The following CACNA1D variants were observed in gnomAD, a reference collection of about 807,000 sequenced individuals.
The protein encoded by CACNA1D is calcium voltage-gated channel subunit alpha1 D.
In CACNA1D, 55 loss-of-function variants were observed where a neutral mutation model predicts 257.1. That is an observed-to-expected ratio of 0.21 (90% CI 0.17 to 0.27). The LOEUF is 0.27. CACNA1D is among the 10% of genes least tolerant of loss of function. CACNA1D has a pLI of 1.00. For synonymous variants in CACNA1D, 980 were observed against 1,014.9 expected (o/e 0.97, Z 0.65); for missense variants, 1,876 against 2,784.0 (o/e 0.67, Z 7.34).
At chr3:53,548,367 TTTTTAA>T (rs1187337429) in intron 3 of CACNA1D, among the ~76,000 whole-genome samples, 1 of 138,452 alleles carries the variant, frequency 7.2e-6, no homozygotes, top group Non-Finnish European at 1.5e-5. Context: ...TTTTTTTTTT[TTTTTAA>T]AAATTATCTT....
At chr3:53,712,364 G>A (rs892359988) in intron 9 of CACNA1D, among the ~76,000 whole-genome samples, 3 of 152,232 alleles carry the variant, frequency 2.0e-5, no homozygotes, top group Non-Finnish European at 4.4e-5. Context: ...ATGCTGGGCT[G>A]CCCCTGTCCC....
chr3:53,746,298 G>A (rs1390732654), intron 25 of CACNA1D, among the ~76,000 whole-genome samples: 1 of 152,100 alleles, frequency 6.6e-6, no homozygotes, highest in Non-Finnish European at 1.5e-5. Flanking sequence ...CAACTCCCTG[G>A]TGTTTGGGAA....
chr3:53,740,863 C>T (rs898907366), intron 21 of CACNA1D, among the ~76,000 whole-genome samples: 3 of 152,168 alleles, frequency 2.0e-5, no homozygotes, highest in Non-Finnish European at 4.4e-5. Context: ...GAGGATGTCT[C>T]TCTTTTTGTT....
chr3:53,575,745 G>T (rs892172150), intron 3 of CACNA1D, among the ~76,000 whole-genome samples: 2 of 152,078 alleles, frequency 1.3e-5, no homozygotes, highest in East Asian at 1.9e-4. Flanking sequence ...TCTACTAGTC[G>T]TGTCCGTTTA....
Position 53,723,778 on chromosome 3 carries a change from A to G in CACNA1D, c.1893-14A>G. ...ATGGGTGTTCTGAGCTGACACCCTC[A>G]TCTTGACTTATAGGCACTGGACTTC... On this transcript the variant is annotated splice_polypyrimidine_tract_variant and intron_variant, in intron 13 of 47. Transcript: ENST00000350061. The surrounding 1 kb of genome is among the most constrained non-coding windows in gnomAD (Gnocchi z 5.6). 2 of 1,609,848 alleles carry G rather than the reference A, an allele frequency of 1.2e-6. No individual in the cohort carries two copies. Among genetic ancestry groups the G allele is most frequent in the Non-Finnish European group, 1.7e-6 (2 of 1,176,134 alleles).
At chr3:53,726,672 TA>T (rs1263544295) in intron 14 of CACNA1D, among the ~76,000 whole-genome samples, 3 of 136,294 alleles carry the variant, frequency 2.2e-5, no homozygotes, top group South Asian at 2.4e-4. Context: ...ATAATAAGGT[TA>T]TTTTTTTTCA....
chr3:53,728,618 T>TA (rs1380993013), intron 15 of CACNA1D, among the ~76,000 whole-genome samples: 1 of 152,212 alleles, frequency 6.6e-6, no homozygotes, highest in Non-Finnish European at 1.5e-5. Context: ...GGTTGACTCT[T>TA]TAGGCCACAG....
chr3:53,651,713 T>A (rs1423988902), intron 4 of CACNA1D, among the ~76,000 whole-genome samples: 1 of 152,240 alleles, frequency 6.6e-6, no homozygotes, highest in Non-Finnish European at 1.5e-5. Flanking sequence ...ATATCCTTTT[T>A]CCCAGTCTTA....
At chr3:53,520,655 A>G (rs545048202) in intron 3 of CACNA1D, among the ~76,000 whole-genome samples, 52 of 152,220 alleles carry the variant, frequency 3.4e-4, no homozygotes, top group African/African-American at 1.2e-3. Flanking sequence ...AGTCCCAGCT[A>G]CTTGGGAGGT....
At chr3:53,806,193 TCCCTCC>T (rs2095565191) in intron 45 of CACNA1D, among the ~76,000 whole-genome samples, 2 of 56,520 alleles carry the variant, frequency 3.5e-5, no homozygotes, top group Non-Finnish European at 6.8e-5. Flanking sequence ...TCCTCCCTCC[TCCCTCC>T]TCCCTCATCT....
At chr3:53,548,091 C>T (rs563336987) in intron 3 of CACNA1D, among the ~76,000 whole-genome samples, 3 of 152,254 alleles carry the variant, frequency 2.0e-5, no homozygotes, top group Non-Finnish European at 1.5e-5. Context: ...TTGCAAATTT[C>T]TCTGTGGTTT....
At chr3:53,580,097 C>A (rs373573801) in intron 3 of CACNA1D, among the ~76,000 whole-genome samples, 3 of 152,190 alleles carry the variant, frequency 2.0e-5, no homozygotes, top group African/African-American at 7.2e-5. Flanking sequence ...CCTAAAATGA[C>A]CTTCTCTGCT....
intron 8 of CACNA1D, among the ~76,000 whole-genome samples, chr3:53,696,531 G>C (rs954892631): frequency 6.6e-6 from 1 of 152,206 alleles, no homozygotes; most frequent in South Asian, 2.1e-4. Context: ...GGCCACCCAG[G>C]GTAGGGGACA....
In CACNA1D at chr3:53,811,018, A is replaced by T; in HGVS notation, c.6193-95A>T. ...GCTGCATCCCCAAAGCACACGGTGC[A>T]GTTAAGTTAGCACTGGAGTTGATTT... On this transcript the variant is annotated intron_variant, in intron 47 of 47. Coordinates refer to ENST00000350061, the MANE Select transcript of CACNA1D (RefSeq NM_001128840.3). This position sits in a 1 kb window ranked among gnomAD's most constrained non-coding sequence, Gnocchi z 4.2. The T allele has an allele frequency of 1.1e-6, 1 of 906,522 alleles. No individual in the cohort carries two copies. Among genetic ancestry groups the T allele is most frequent in the South Asian group, 1.3e-5 (1 of 75,918 alleles). The allele number at this position is 906,522 out of a possible 1,614,324, so 56.2% of individuals were successfully genotyped here.
rs869046550 is a variant in CACNA1D at position 53,548,371 on chromosome 3, TAAA to T, written c.483+46654_483+46656del. ...ACAAAGCTTTTTTTTTTTTTTTTTT[TAAA>T]AATTATCTTTAAAGAATCCATTTTA... On this transcript the variant is annotated intron_variant, in intron 3 of 47. Coordinates refer to ENST00000350061, the MANE Select transcript of CACNA1D (RefSeq NM_001128840.3). Among the ~76,000 whole-genome samples the T allele has an allele frequency of 1.2e-3, 163 of 137,856 alleles. 1 individual carries two copies. Among genetic ancestry groups the T allele is most frequent in the Middle Eastern group, 3.7e-3 (1 of 268 alleles). 90.4% of individuals were successfully genotyped at this position (137,856 alleles called of 152,430 possible).
At chr3:53,506,990 T>C (rs1402236942) in intron 3 of CACNA1D, among the ~76,000 whole-genome samples, 1 of 149,572 alleles carries the variant, frequency 6.7e-6, no homozygotes, top group African/African-American at 2.5e-5. Flanking sequence ...GGAGTCTTGG[T>C]TGAGCCCAGG....
In CACNA1D at chr3:53,718,343, A is replaced by G. The variant is rs752279912; in HGVS notation, c.1433A>G (p.Asn478Ser). 6.2e-7 allele frequency: 1 copy of G among 1,614,212 alleles called. No homozygotes were observed. Among genetic ancestry groups the G allele is most frequent in the East Asian group, 2.2e-5 (1 of 44,886 alleles). ...GAGACTGAGTCTGTGAACACAGAGA[A>G]CGTCAGCGGTGAAGGCGAGAACCGA... ...TSETESVNTE[N>S]VSGEGENRGC... The change falls in exon 10 of 48, where the codon AAC becomes AGC. Residue 478 changes from asparagine to serine, a missense_variant. Asn to Ser is a conservative substitution (Grantham distance 46). Transcript: ENST00000350061.
intron 3 of CACNA1D, among the ~76,000 whole-genome samples, chr3:53,566,636 C>T (rs745456720): frequency 6.6e-6 from 1 of 152,150 alleles, no homozygotes; most frequent in Non-Finnish European, 1.5e-5. Flanking sequence ...TGTGCCACAG[C>T]GTGGCACATG....
chr3:53,802,205 T>C, intron 43 of CACNA1D, 32 bp downstream of exon 43: 1 of 1,546,272 alleles, frequency 6.5e-7, no homozygotes, highest in Non-Finnish European at 8.9e-7. Flanking sequence ...TTGTGTTAAA[T>C]ACTGTGATGG....
Sources: allele counts gnomAD v4.1 joint callset (sites outside exome capture counted in the v4.1 genomes callset), GRCh38; gene constraint gnomAD v4.1.1; non-coding constraint Gnocchi (gnomAD v3.1); transcripts MANE v1.5; gene names NCBI Gene and HGNC (gene_info 2026-07-23, HGNC 2026-07-21).